The following UTS2B variants were observed in gnomAD, a reference collection of about 807,000 sequenced individuals.
UTS2B encodes urotensin-2B.
A neutral mutation model predicts 19.2 loss-of-function variants in UTS2B; 21 were observed. The observed-to-expected ratio is 1.09, with a 90% CI of 0.78 to 1.58. The LOEUF (loss-of-function observed/expected upper bound fraction) is 1.58, where lower values mean the gene tolerates loss of function less well. Ranked by LOEUF, UTS2B falls within the 40% of genes most tolerant of loss-of-function variation. The pLI, the probability that UTS2B is intolerant of heterozygous loss-of-function variation, is 0.00. For missense variants in UTS2B, 138 were observed against 130.3 expected, an observed-to-expected ratio of 1.06 and a Z score of -0.29; for synonymous variants, 57 against 50.2, an observed-to-expected ratio of 1.14 and a Z score of -0.58.
At chr3:191,286,793 T>C (rs1402309582) in intron 4 of UTS2B, among the ~76,000 whole-genome samples, 4 of 151,260 alleles carry the variant, frequency 2.6e-5, no homozygotes, top group Non-Finnish European at 5.9e-5. Context: ...AAATAGAGAC[T>C]AGAAGAACAA....
At chr3:191,329,815 G>T (rs1350381898) in intron 1 of UTS2B, 2 of 1,387,830 alleles carry the variant, frequency 1.4e-6, no homozygotes, top group Admixed American at 2.1e-5. Flanking sequence ...CGGCTCCCGC[G>T]GCCCTCGCCC....
In UTS2B at chr3:191,326,962, C is replaced by T. The variant is rs1034579033; in HGVS notation, c.-586+1669G>A. 1.4e-4 allele frequency among the ~76,000 whole-genome samples: 21 copies of T among 152,166 alleles called. 1 individual carries two copies. Among genetic ancestry groups the T allele is most frequent in the Non-Finnish European group, 2.8e-4 (19 of 68,036 alleles). On this transcript the variant is annotated intron_variant, in intron 2 of 8. Transcript: ENST00000340524. ...CATTACTTTTTCTGCTGAAAGCAGC[C>T]GATTCTCTAAACAATAGTTGTGGCT...
At chr3:191,332,385 G>A (rs1236239520), upstream of UTS2B, among the ~76,000 whole-genome samples, 1 of 152,126 alleles carries the variant, frequency 6.6e-6, no homozygotes, top group African/African-American at 2.4e-5. Flanking sequence ...TTCATATGTA[G>A]GTGAAAAGAA....
intron 3 of UTS2B, among the ~76,000 whole-genome samples, chr3:191,311,712 C>T (rs1466122258): frequency 6.6e-6 from 1 of 152,232 alleles, no homozygotes. Context: ...GTCACCTGTG[C>T]ATTCATTAGT....
At chr3:191,284,472 C>T (rs993542636) in intron 4 of UTS2B, among the ~76,000 whole-genome samples, 1 of 151,760 alleles carries the variant, frequency 6.6e-6, no homozygotes, top group South Asian at 2.1e-4. Flanking sequence ...CAGGCTAGCA[C>T]CACCATGTCT....
chr3:191,275,703 A>AC (rs3841940), intron 7 of UTS2B, among the ~76,000 whole-genome samples: 30,832 of 150,980 alleles, frequency 0.2, 3,783 homozygotes, highest in Middle Eastern at 0.37. Context: ...ACAAACAACA[A>AC]AAAAAAAACC....
At chr3:191,269,516 C>A (rs374315500) in intron 8 of UTS2B, among the ~76,000 whole-genome samples, 14 of 109,600 alleles carry the variant, frequency 1.3e-4, no homozygotes, top group South Asian at 3.0e-4. Context: ...TTTTTTTTTT[C>A]TTTTTAAAAG....
At position 191,299,667 on chromosome 3, in the gene UTS2B, G is replaced by T. The variant is rs114396117; in HGVS notation, c.-125+4825C>A. ...TCTACTAAAGCAGTGCAGAGGGGAA[G>T]TGTGGGGGTGGAACCCCCACACAGA... On this transcript the variant is annotated intron_variant, in intron 4 of 8. Coordinates refer to ENST00000340524, the MANE Select transcript of UTS2B (RefSeq NM_198152.5). 2.2e-3 allele frequency among the ~76,000 whole-genome samples: 338 copies of T among 152,370 alleles called. 3 individuals carry two copies. Among genetic ancestry groups the T allele is most frequent in the African/African-American group, 7.7e-3 (321 of 41,594 alleles).
In UTS2B at chr3:191,285,212, G is replaced by A. The variant is rs538145343; in HGVS notation, c.-124-2899C>T. 3.7e-5 allele frequency among the ~76,000 whole-genome samples: 5 copies of A among 134,792 alleles called. No homozygotes were observed. The South Asian group carries it at 1.3e-3, about 34-fold the overall frequency. 88.4% of individuals were successfully genotyped at this position (134,792 alleles called of 152,430 possible). A position where few individuals can be genotyped will look rare whatever the true frequency, so the allele number is the denominator to read the frequency against. ...CATCAAAAACATAAAATATGAGGAG[G>A]TTAAGTAAAAGTGTAGAGTTATTTT... On this transcript the variant is annotated intron_variant, in intron 4 of 8. Transcript: ENST00000340524.
chr3:191,320,031 C>A (rs1717573428), intron 2 of UTS2B, among the ~76,000 whole-genome samples: 2 of 152,062 alleles, frequency 1.3e-5, no homozygotes, highest in African/African-American at 4.8e-5. Flanking sequence ...TATGTCAACA[C>A]TATTCTATGT....
intron 4 of UTS2B, among the ~76,000 whole-genome samples, chr3:191,288,810 A>C (rs1020376487): frequency 1.3e-5 from 2 of 152,224 alleles, no homozygotes; most frequent in African/African-American, 4.8e-5. Flanking sequence ...TAAAGACTTA[A>C]GACTGGACTC....
chr3:191,329,855 A>C (rs1220680653), intron 1 of UTS2B: 1 of 723,848 alleles, frequency 1.4e-6, no homozygotes, highest in South Asian at 1.7e-5. Context: ...CCTTGCCCGG[A>C]CGTGAAAGGA....
chr3:191,293,556 C>T (rs78692783), intron 4 of UTS2B, among the ~76,000 whole-genome samples: 5,407 of 151,866 alleles, frequency 0.036, 450 homozygotes, highest in African/African-American at 0.13. Flanking sequence ...ACTATTTTGT[C>T]TCTGTAAAGT....
chr3:191,305,189 T>C (rs1560142570), intron 3 of UTS2B, among the ~76,000 whole-genome samples: 1 of 152,206 alleles, frequency 6.6e-6, no homozygotes, highest in Non-Finnish European at 1.5e-5. Context: ...TACCTAGTAA[T>C]GGGATTGCTG....
intron 4 of UTS2B, among the ~76,000 whole-genome samples, chr3:191,303,128 T>C (rs1053673434): frequency 6.6e-6 from 1 of 152,178 alleles, no homozygotes; most frequent in Admixed American, 6.5e-5. Context: ...CCCCATAACC[T>C]GTGGCCGCCT....
At chr3:191,269,800 C>T (rs1716038487) in intron 8 of UTS2B, among the ~76,000 whole-genome samples, 1 of 152,210 alleles carries the variant, frequency 6.6e-6, no homozygotes, top group South Asian at 2.1e-4. Flanking sequence ...ACCACATGAA[C>T]AGCTCAATTA....
intron 4 of UTS2B, among the ~76,000 whole-genome samples, chr3:191,303,666 A>T (rs1184917223): frequency 6.6e-6 from 1 of 152,238 alleles, no homozygotes; most frequent in Non-Finnish European, 1.5e-5. Flanking sequence ...TAGGACTCAG[A>T]ATGCCTAGAT....
At chr3:191,275,635 G>A (rs898764885) in intron 7 of UTS2B, among the ~76,000 whole-genome samples, 2 of 151,668 alleles carry the variant, frequency 1.3e-5, no homozygotes, top group African/African-American at 4.9e-5. Flanking sequence ...AGCCGAGATT[G>A]CACCACTGTA....
intron 4 of UTS2B, among the ~76,000 whole-genome samples, chr3:191,303,028 A>G (rs1392748658): frequency 6.6e-6 from 1 of 152,210 alleles, no homozygotes; most frequent in African/African-American, 2.4e-5. Flanking sequence ...AAAAAGATTG[A>G]CACTACCTAT....
Sources: gnomAD v4.1 joint callset for allele counts (sites outside exome capture counted in the v4.1 genomes callset) on GRCh38, gnomAD v4.1.1 for gene constraint, MANE v1.5 for transcripts, NCBI Gene and HGNC (gene_info 2026-07-23, HGNC 2026-07-21) for gene names.